Variants in GABRA2 observed in about 807,000 individuals in gnomAD.
The protein encoded by GABRA2 is gamma-aminobutyric acid receptor subunit alpha-2.
A neutral mutation model predicts 48.7 loss-of-function variants in GABRA2; 16 were observed. The ratio of observed to expected loss-of-function variants is 0.33; its 90% CI spans 0.22 to 0.50. GABRA2 has a LOEUF of 0.50. GABRA2 is among the 20% of genes least tolerant of loss of function. GABRA2 has a pLI of 0.98. For synonymous variants in GABRA2, 185 were observed against 184.5 expected, an observed-to-expected ratio of 1.00 and a Z score of -0.02; for missense variants, 275 against 535.6, an observed-to-expected ratio of 0.51 and a Z score of 4.80.
intron 9 of GABRA2, among the ~76,000 whole-genome samples, chr4:46,255,166 G>A (rs963817137): frequency 2.6e-5 from 4 of 151,566 alleles, no homozygotes; most frequent in Non-Finnish European, 4.4e-5. Context: ...GTATTGCAGA[G>A]TTCCTAGCAT....
At chr4:46,349,364 A>G (rs778140813) in intron 3 of GABRA2, among the ~76,000 whole-genome samples, 5 of 151,964 alleles carry the variant, frequency 3.3e-5, no homozygotes, top group Non-Finnish European at 7.4e-5. Context: ...GTATAAGGCT[A>G]TAGAAATCCT....
chr4:46,352,468 G>C (rs968719694), intron 3 of GABRA2, among the ~76,000 whole-genome samples: 1 of 151,916 alleles, frequency 6.6e-6, no homozygotes, highest in African/African-American at 2.4e-5. Flanking sequence ...TCTTCTCTCA[G>C]TGTGAACGTT....
intron 3 of GABRA2, among the ~76,000 whole-genome samples, chr4:46,354,637 G>A (rs1488086320): frequency 1.3e-5 from 2 of 151,920 alleles, no homozygotes; most frequent in African/African-American, 2.4e-5. Context: ...CAAACTATTG[G>A]TAAATTCATC....
At chr4:46,315,142 T>TG (rs1488646425) in intron 4 of GABRA2, among the ~76,000 whole-genome samples, 1 of 151,392 alleles carries the variant, frequency 6.6e-6, no homozygotes, top group African/African-American at 2.4e-5. Flanking sequence ...TGCATCTGTT[T>TG]TTTTTTTTTT....
chr4:46,322,045 T>C (rs1376788589), intron 4 of GABRA2, among the ~76,000 whole-genome samples: 2 of 151,992 alleles, frequency 1.3e-5, no homozygotes, highest in South Asian at 2.1e-4. Flanking sequence ...GAACTACCAA[T>C]AGAACCAGTT....
In GABRA2 at chr4:46,250,142, A is replaced by T; in HGVS notation, c.*166T>A. The T allele has an allele frequency of 1.8e-6, 1 of 570,480 alleles. No homozygotes were observed. The highest frequency in any genetic ancestry group is 3.0e-6 in the Non-Finnish European group (1 of 330,494). 35.3% of individuals were successfully genotyped at this position (570,480 alleles called of 1,614,324 possible). A position where few individuals can be genotyped will look rare whatever the true frequency, so the allele number is the denominator to read the frequency against. ...AGTGCTTTCTGTCTGCAGTTCCATG[A>T]GTTAGCAAATGCATGTCTCCATTAA... On this transcript the variant is annotated 3_prime_UTR_variant, in exon 10 of 10. Coordinates refer to ENST00000381620, the MANE Select transcript of GABRA2 (RefSeq NM_000807.4).
chr4:46,319,501 A>C (rs1729094052), intron 4 of GABRA2, among the ~76,000 whole-genome samples: 1 of 151,820 alleles, frequency 6.6e-6, no homozygotes, highest in South Asian at 2.1e-4. Flanking sequence ...TGAAGCTCGA[A>C]TACTTTCAGT....
chr4:46,383,718 T>G (rs1186644476), intron 3 of GABRA2, among the ~76,000 whole-genome samples: 1 of 152,102 alleles, frequency 6.6e-6, no homozygotes, highest in Non-Finnish European at 1.5e-5. Flanking sequence ...AGATCTTTAC[T>G]AAAAAGAACT....
rs973220380 is a variant in GABRA2 at position 46,243,638 on chromosome 4, A to G, written c.*6670T>C. ...AGGAATTTTTTAAACAGCAAGCATGACATATTCAATAAAGGTCATATGATC... is the reference window on the plus strand; with the variant it reads ...AGGAATTTTTTAAACAGCAAGCATGGCATATTCAATAAAGGTCATATGATC... On this transcript the variant is annotated 3_prime_UTR_variant, in exon 10 of 10. Coordinates refer to ENST00000381620, the MANE Select transcript of GABRA2 (RefSeq NM_000807.4). 1 of 151,514 alleles carries G rather than the reference A, an allele frequency of 6.6e-6. No homozygotes were observed. Among genetic ancestry groups the G allele is most frequent in the East Asian group, 1.9e-4 (1 of 5,138 alleles). 9.4% of individuals were successfully genotyped at this position (151,514 alleles called of 1,614,324 possible).
Position 46,332,636 on chromosome 4 carries a change from G to A in GABRA2, c.234C>T (p.Gly78=). The part of the protein sequence containing the change: ...VFTNIYVTSF[G]PVSDTDMEYT... ...TCACCATATCTGTATCTGAGACAGG[G>A]CCAAAACTGGTCACGTAGATGTTAG... is the stretch of plus-strand genomic sequence containing the variant. The change falls in exon 4 of 10, where the codon GGC becomes GGT. Residue 78 remains glycine, a synonymous_variant. Coordinates refer to ENST00000381620, the MANE Select transcript of GABRA2 (RefSeq NM_000807.4). 1 of 1,596,636 alleles carries A rather than the reference G, an allele frequency of 6.3e-7. No homozygotes were observed. The highest frequency in any genetic ancestry group is 8.6e-7 in the Non-Finnish European group (1 of 1,164,538).
intron 3 of GABRA2, among the ~76,000 whole-genome samples, chr4:46,353,532 T>C (rs1439776171): frequency 1.3e-5 from 2 of 152,178 alleles, no homozygotes; most frequent in East Asian, 3.9e-4. Flanking sequence ...CTGTCCTCTC[T>C]GTTACACATC....
intron 8 of GABRA2, among the ~76,000 whole-genome samples, chr4:46,263,204 TATC>T (rs1717412502): frequency 6.6e-6 from 1 of 152,124 alleles, no homozygotes; most frequent in African/African-American, 2.4e-5. Context: ...AAAGCAGTAT[TATC>T]ATCAAAATGT....
chr4:46,357,430 T>C (rs1736172382), intron 3 of GABRA2, among the ~76,000 whole-genome samples: 1 of 147,666 alleles, frequency 6.8e-6, no homozygotes, highest in African/African-American at 2.5e-5. Flanking sequence ...TTTTATTAGA[T>C]CTGTGTGGAG....
chr4:46,381,160 C>T (rs1716705514), intron 3 of GABRA2, among the ~76,000 whole-genome samples: 1 of 152,176 alleles, frequency 6.6e-6, no homozygotes, highest in Admixed American at 6.5e-5. Flanking sequence ...ATAGTTGTTA[C>T]TCTTGATCAT....
At chr4:46,377,528 C>T (rs1489738969) in intron 3 of GABRA2, among the ~76,000 whole-genome samples, 4 of 147,948 alleles carry the variant, frequency 2.7e-5, no homozygotes, top group African/African-American at 9.8e-5. Context: ...GTGAGGAGCC[C>T]CTCCGCCCAG....
At chr4:46,289,879 T>TTTTATTTATTTATTTA (rs1156253698) in intron 8 of GABRA2, among the ~76,000 whole-genome samples, 9 of 128,318 alleles carry the variant, frequency 7.0e-5, no homozygotes, top group African/African-American at 3.6e-4. Context: ...TACCAGTTTA[T>TTTTATTTATTTATTTA]TTTATTTATT....
intron 3 of GABRA2, among the ~76,000 whole-genome samples, chr4:46,376,102 C>T (rs762523341): frequency 3.3e-5 from 5 of 152,056 alleles, no homozygotes; most frequent in Non-Finnish European, 5.9e-5. Context: ...ACACCTTGTA[C>T]GTCTTTATAT....
At chr4:46,308,205 A>G (rs991160778) in intron 6 of GABRA2, among the ~76,000 whole-genome samples, 13 of 152,184 alleles carry the variant, frequency 8.5e-5, no homozygotes, top group Non-Finnish European at 2.9e-5. Flanking sequence ...ATATCCCTAG[A>G]CTTTCATTCA....
At chr4:46,289,865 A>C (rs1321210717) in intron 8 of GABRA2, among the ~76,000 whole-genome samples, 1 of 143,728 alleles carries the variant, frequency 7.0e-6, no homozygotes, top group Non-Finnish European at 1.5e-5. Context: ...GAAAGTGTTG[A>C]GTATACCAGT....
Sources: allele counts gnomAD v4.1 joint callset (sites outside exome capture counted in the v4.1 genomes callset), GRCh38; gene constraint gnomAD v4.1.1; transcripts MANE v1.5; gene names NCBI Gene and HGNC (gene_info 2026-07-23, HGNC 2026-07-21).